CFAP77: variants seen among roughly 807,000 people sequenced by gnomAD.
The protein encoded by CFAP77 is cilia- and flagella-associated protein 77.
CFAP77 carries 25 observed loss-of-function variants against 31.1 expected under a neutral mutation model. The ratio of observed to expected loss-of-function variants is 0.80; its 90% CI spans 0.59 to 1.12. The LOEUF (loss-of-function observed/expected upper bound fraction) is 1.12, where lower values mean the gene tolerates loss of function less well. Among genes scored for constraint, CFAP77 ranks in the 50% most tolerant of loss-of-function variants. The probability of loss-of-function intolerance (pLI) is 0.00; values close to 1 mark genes in which losing one functional copy is unlikely to be tolerated. For synonymous variants in CFAP77, 151 were observed against 159.9 expected (o/e 0.94, Z 0.42); for missense variants, 377 against 397.3 (o/e 0.95, Z 0.44).
At chr9:132,469,739 C>G (rs1352575547) in intron 1 of CFAP77, among the ~76,000 whole-genome samples, 3 of 152,138 alleles carry the variant, frequency 2.0e-5, no homozygotes, top group Non-Finnish European at 4.4e-5. Flanking sequence ...AGTGCTCCAC[C>G]CCGGCGGTGA....
intron 1 of CFAP77, among the ~76,000 whole-genome samples, chr9:132,437,389 G>A (rs768823960): frequency 1.3e-5 from 2 of 152,108 alleles, no homozygotes; most frequent in African/African-American, 2.4e-5. Context: ...CAAACTCGAC[G>A]CAGGACGTGG....
chr9:132,483,436 G>A (rs575854388), intron 1 of CFAP77, among the ~76,000 whole-genome samples: 2 of 152,170 alleles, frequency 1.3e-5, no homozygotes, highest in African/African-American at 4.8e-5. Flanking sequence ...ACCCACGAGG[G>A]GTTGTGGGGG....
intron 1 of CFAP77, among the ~76,000 whole-genome samples, chr9:132,470,263 C>T (rs760562706): frequency 1.3e-5 from 2 of 152,192 alleles, no homozygotes; most frequent in African/African-American, 2.4e-5. Context: ...ATCAGTGTCT[C>T]GCTGAGTCAT....
intron 1 of CFAP77, among the ~76,000 whole-genome samples, chr9:132,463,021 A>C (rs1851087529): frequency 6.6e-6 from 1 of 152,160 alleles, no homozygotes; most frequent in Non-Finnish European, 1.5e-5. Flanking sequence ...GCTATCCAGC[A>C]GTCCAGAGTG....
At chr9:132,543,573 C>T (rs553266446) in intron 5 of CFAP77, among the ~76,000 whole-genome samples, 4 of 152,342 alleles carry the variant, frequency 2.6e-5, no homozygotes, top group African/African-American at 7.2e-5. Flanking sequence ...AACCTCCCTC[C>T]AGGGAAGGGG....
At chr9:132,531,740 CCAG>C (rs1852457303) in intron 3 of CFAP77, among the ~76,000 whole-genome samples, 1 of 152,162 alleles carries the variant, frequency 6.6e-6, no homozygotes, top group Non-Finnish European at 1.5e-5. Context: ...GTAATGCGCC[CCAG>C]CAGAAGGGGC....
chr9:132,467,964 A>G (rs72765896), intron 1 of CFAP77, among the ~76,000 whole-genome samples: 12,869 of 151,860 alleles, frequency 0.085, 537 homozygotes, highest in Middle Eastern at 0.11. Context: ...AAGTGTCCTG[A>G]GATAAGGGGC....
chr9:132,514,514 GC>G (rs1852109593), intron 3 of CFAP77, among the ~76,000 whole-genome samples: 1 of 152,166 alleles, frequency 6.6e-6, no homozygotes, highest in South Asian at 2.1e-4. Flanking sequence ...GGATCCCCCT[GC>G]CCAGTCGGTT....
At chr9:132,417,485 C>T (rs143829173) in intron 1 of CFAP77, among the ~76,000 whole-genome samples, 183 of 152,300 alleles carry the variant, frequency 1.2e-3, no homozygotes, top group Middle Eastern at 0.01. Context: ...GAAAACTGCA[C>T]CTACTTCAGC....
intron 5 of CFAP77, among the ~76,000 whole-genome samples, chr9:132,571,555 G>A (rs956946444): frequency 1.6e-4 from 25 of 152,210 alleles, no homozygotes; most frequent in African/African-American, 6.0e-4. Flanking sequence ...ATCTGACACA[G>A]AGTTGTGTTC....
intron 1 of CFAP77, among the ~76,000 whole-genome samples, chr9:132,476,296 C>T (rs1274754421): frequency 6.6e-6 from 1 of 152,142 alleles, no homozygotes; most frequent in Non-Finnish European, 1.5e-5. Flanking sequence ...CACTGTGTCC[C>T]ATACCGCATG....
intron 1 of CFAP77, among the ~76,000 whole-genome samples, chr9:132,443,095 T>C (rs1850641342): frequency 1.3e-5 from 2 of 152,324 alleles, no homozygotes; most frequent in South Asian, 4.1e-4. Flanking sequence ...GTTTTTAACA[T>C]GTTTTTAAGG....
chr9:132,572,768 C>T lies in CFAP77; in HGVS notation c.*258C>T, dbSNP rs963929134. ...CTCCTCCTTCTCCTCCTAGGGCAGG[C>T]TCACCCTGCCTCTTCTCAAGCCCTC... On this transcript the variant is annotated 3_prime_UTR_variant, in exon 6 of 6. Transcript: ENST00000393216. The T allele has an allele frequency of 6.1e-6, 3 of 489,046 alleles. No individual in the cohort carries two copies. The highest frequency in any genetic ancestry group is 2.0e-5 in the African/African-American group (1 of 50,200). The allele number at this position is 489,046 out of a possible 1,614,324, so 30.3% of individuals were successfully genotyped here.
chr9:132,429,445 G>A (rs1337456426), intron 1 of CFAP77, among the ~76,000 whole-genome samples: 1 of 150,482 alleles, frequency 6.6e-6, no homozygotes, highest in Non-Finnish European at 1.5e-5. Flanking sequence ...GGCTGAGGCA[G>A]GAGAATCGCT....
Position 132,438,692 on chromosome 9 carries a change from T to C in CFAP77, c.195+28226T>C, listed in dbSNP as rs185672245. ...CTGGGACTACTAGCACATGCCAACA[T>C]GCCTGGCTAATTTTGTATTTTTTAT... On this transcript the variant is annotated intron_variant, in intron 1 of 5. Coordinates refer to ENST00000393216, the MANE Select transcript of CFAP77 (RefSeq NM_001282957.2). Among the ~76,000 whole-genome samples the C allele has an allele frequency of 2.5e-3, 372 of 145,958 alleles. 4 individuals are homozygous for C. Among genetic ancestry groups the C allele is most frequent in the African/African-American group, 8.7e-3 (343 of 39,474 alleles).
chr9:132,473,831 G>A (rs1290510085), intron 1 of CFAP77, among the ~76,000 whole-genome samples: 1 of 152,190 alleles, frequency 6.6e-6, no homozygotes, highest in Non-Finnish European at 1.5e-5. Context: ...TTACAGGCGT[G>A]CACCACCACG....
intron 1 of CFAP77, among the ~76,000 whole-genome samples, chr9:132,431,640 C>A (rs1462872799): frequency 6.6e-6 from 1 of 152,170 alleles, no homozygotes; most frequent in South Asian, 2.1e-4. Flanking sequence ...ACTCAGTGAT[C>A]CTGAATATAT....
At chr9:132,542,094 G>A (rs1368376160) in intron 4 of CFAP77, among the ~76,000 whole-genome samples, 4 of 152,188 alleles carry the variant, frequency 2.6e-5, no homozygotes, top group African/African-American at 9.7e-5. Flanking sequence ...CCTCCTAACT[G>A]AGCCCTGAGA....
chr9:132,505,077 T>TA (rs991803849), intron 3 of CFAP77, among the ~76,000 whole-genome samples: 6 of 152,148 alleles, frequency 3.9e-5, no homozygotes, highest in Non-Finnish European at 8.8e-5. Context: ...ACAGACGTGT[T>TA]AAAAAAATAA....
Sources: allele counts gnomAD v4.1 joint callset (sites outside exome capture counted in the v4.1 genomes callset), GRCh38; gene constraint gnomAD v4.1.1; transcripts MANE v1.5; gene names NCBI Gene and HGNC (gene_info 2026-07-23, HGNC 2026-07-21).